Variants in PRKD2 observed in about 807,000 individuals in gnomAD.
The protein encoded by PRKD2 is protein kinase D2.
A neutral mutation model predicts 86.0 loss-of-function variants in PRKD2; 22 were observed. That is an observed-to-expected ratio of 0.26 (90% confidence interval 0.18 to 0.37). The LOEUF is 0.37. Ranked by LOEUF, PRKD2 falls within the 10% of genes least tolerant of loss-of-function variation. The probability of loss-of-function intolerance (pLI) is 1.00; values close to 1 mark genes in which losing one functional copy is unlikely to be tolerated. For synonymous variants in PRKD2, 509 were observed against 510.9 expected (o/e 1.00, Z 0.05); for missense variants, 818 against 1,199.2 (o/e 0.68, Z 4.70).
chr19:46,694,826 C>T (rs1449248723), intron 9 of PRKD2, among the ~76,000 whole-genome samples: 1 of 151,998 alleles, frequency 6.6e-6, no homozygotes, highest in Admixed American at 6.6e-5. Flanking sequence ...CCTGTACTCC[C>T]AGCACTTTGG....
intron 14 of PRKD2, among the ~76,000 whole-genome samples, chr19:46,688,006 G>A (rs1430214019): frequency 6.6e-6 from 1 of 151,998 alleles, no homozygotes; most frequent in African/African-American, 2.4e-5. Context: ...AAGCAGCTAG[G>A]ACTACAGACA....
At chr19:46,674,830 G>A (rs1297165859) in intron 17 of PRKD2, 95 bp from the exon 18 acceptor site, 1 of 1,382,208 alleles carries the variant, frequency 7.2e-7, no homozygotes, top group Non-Finnish European at 9.8e-7. Context: ...TACCAATGAA[G>A]GTGAAGCCAT....
chr19:46,699,062 C>G (rs2053601941), intron 7 of PRKD2, among the ~76,000 whole-genome samples: 1 of 152,120 alleles, frequency 6.6e-6, no homozygotes, highest in Admixed American at 6.6e-5. Flanking sequence ...GACTGGCTTA[C>G]CCATCCCCTT....
At chr19:46,675,507 G>C (rs918096421) in intron 16 of PRKD2, among the ~76,000 whole-genome samples, 5 of 152,032 alleles carry the variant, frequency 3.3e-5, no homozygotes, top group African/African-American at 4.8e-5. Context: ...GCAATGGCAC[G>C]ATCTTGGCTC....
chr19:46,691,921 C>T lies in PRKD2; in HGVS notation c.1629+12G>A, dbSNP rs2053489894. ...GGGAGGGGAGGGCATCAGGTGGGGG[C>T]AGGAGTCTCACCACATTCTCTTGGA... On this transcript the variant is annotated intron_variant, in intron 11 of 17. Transcript: ENST00000291281. The T allele has an allele frequency of 6.2e-7, 1 of 1,613,448 alleles. No individual in the cohort carries two copies. The highest frequency in any genetic ancestry group is 1.7e-5 in the Admixed American group (1 of 59,978).
intron 14 of PRKD2, among the ~76,000 whole-genome samples, chr19:46,685,218 T>A (rs1397748768): frequency 7.1e-6 from 1 of 139,926 alleles, no homozygotes; most frequent in African/African-American, 2.7e-5. Flanking sequence ...GAGACTGTAC[T>A]ATTGCACTCC....
At chr19:46,682,194 G>T (rs1025568595) in intron 14 of PRKD2, among the ~76,000 whole-genome samples, 3 of 152,088 alleles carry the variant, frequency 2.0e-5, no homozygotes, top group Non-Finnish European at 4.4e-5. Flanking sequence ...TTTTAGTAGA[G>T]ATGGGGTTTC....
chr19:46,704,189 C>T lies in PRKD2; in HGVS notation c.869G>A (p.Arg290Gln), dbSNP rs1346579465. 1.9e-6 allele frequency: 3 copies of T among 1,613,920 alleles called. No individual in the cohort carries two copies. The highest frequency in any genetic ancestry group is 1.3e-5 in the African/African-American group (1 of 74,910). ...CTAACCTTTGCATTGCAGGCCCTGC[C>T]GGAAGAGGCCCTTGAGGAGTTTCTT... ...ACKKLLKGLF[R>Q]QGLQCKDCKF... Residue 290 changes from arginine (R) to glutamine (Q), a missense_variant, in exon 5 of 18, where the codon CGG (arginine) becomes CAG (glutamine). Physicochemically the swap from Arg to Gln is conservative, Grantham distance 43 (BLOSUM62 1). Coordinates refer to ENST00000291281, the MANE Select transcript of PRKD2 (RefSeq NM_016457.5).
At chr19:46,711,764 A>C (rs117806894) in intron 2 of PRKD2, among the ~76,000 whole-genome samples, 6,820 of 152,172 alleles carry the variant, frequency 0.045, 197 homozygotes, top group East Asian at 0.16. Flanking sequence ...ACCACCACCA[A>C]CAACAAAAAA....
At position 46,691,923 on chromosome 19, in the gene PRKD2, G is replaced by A. The variant is rs1390981260; in HGVS notation, c.1629+10C>T. The A allele has an allele frequency of 2.5e-6, 4 of 1,613,536 alleles. No individual in the cohort carries two copies. The African/African-American group carries it at 5.3e-5, about 22-fold the overall frequency. On this transcript the variant is annotated intron_variant, in intron 11 of 17. Coordinates refer to ENST00000291281, the MANE Select transcript of PRKD2 (RefSeq NM_016457.5). ...GAGGGGAGGGCATCAGGTGGGGGCA[G>A]GAGTCTCACCACATTCTCTTGGATC...
chr19:46,695,014 C>T (rs184692134), intron 9 of PRKD2, among the ~76,000 whole-genome samples: 2 of 151,126 alleles, frequency 1.3e-5, no homozygotes, highest in African/African-American at 4.9e-5. Context: ...CCAGCCAGAG[C>T]AACACAATGA....
rs2053844829 is a variant in PRKD2 at position 46,713,879 on chromosome 19, C to A, written c.363G>T (p.Val121=). Residue 121 remains valine (V), a synonymous_variant, in exon 2 of 18, where the codon GTG becomes GTT. Transcript: ENST00000291281. ...ACCTCTCACCCGACAGCACCACCTC[C>A]ACCAGGTCGCCCTCCTGGATGTCTC... ...SSGDIQEGDL[V]EVVLSASATF... The A allele has an allele frequency of 1.2e-6, 2 of 1,609,526 alleles. No individual in the cohort carries two copies. Among genetic ancestry groups the A allele is most frequent in the African/African-American group, 2.7e-5 (2 of 74,826 alleles).
chr19:46,676,129 G>A (rs2053197674), intron 16 of PRKD2, among the ~76,000 whole-genome samples: 1 of 152,038 alleles, frequency 6.6e-6, no homozygotes, highest in Non-Finnish European at 1.5e-5. Context: ...TGCAAATCAG[G>A]GAGCATCTAT....
intron 3 of PRKD2, among the ~76,000 whole-genome samples, chr19:46,705,316 T>C (rs1294778187): frequency 1.3e-5 from 2 of 152,130 alleles, no homozygotes; most frequent in East Asian, 3.9e-4. Context: ...ACCTTCCTTT[T>C]TCTGAGGCCC....
rs1167303043 is a variant in PRKD2 at position 46,700,943 on chromosome 19, A to G, written c.977T>C (p.Met326Thr). ...CTCGCTGAAATCGGTGGCCTCCTCC[A>G]TCGGCACATCTGTGGGGACGGAGGC... ...GEALINGDVP[M>T]EEATDFSEAD... The change falls in exon 7 of 18, where the codon ATG becomes ACG. Residue 326 changes from methionine (M) to threonine (T), a missense_variant. Physicochemically the swap from Met to Thr is moderately conservative, Grantham distance 81. Transcript: ENST00000291281. 2 of 1,614,182 alleles carry G rather than the reference A, an allele frequency of 1.2e-6. No homozygotes were observed. Among genetic ancestry groups the G allele is most frequent in the South Asian group, 1.1e-5 (1 of 91,082 alleles).
chr19:46,691,264 G>A (rs984502293), intron 12 of PRKD2, among the ~76,000 whole-genome samples: 1 of 151,846 alleles, frequency 6.6e-6, no homozygotes, highest in Non-Finnish European at 1.5e-5. Context: ...CTAGACCTGT[G>A]GCCAATCAGA....
Position 46,693,774 on chromosome 19 carries a change from CCCA to C in PRKD2, c.1576+98_1576+100del. On this transcript the variant is annotated intron_variant, in intron 10 of 17. Coordinates refer to ENST00000291281, the MANE Select transcript of PRKD2 (RefSeq NM_016457.5). This position sits in a 1 kb window ranked among gnomAD's most constrained non-coding sequence, Gnocchi z 4.5. ...TGAGTCCAGAAGCTGCGTTCTCAAC[CCCA>C]CCATTGCCCACTTTCCTCTTTGGCC... is the stretch of plus-strand genomic sequence containing the variant. The C allele has an allele frequency of 1.4e-6, 2 of 1,470,206 alleles. No homozygotes were observed. The highest frequency in any genetic ancestry group is 1.8e-6 in the Non-Finnish European group (2 of 1,102,884). The allele number at this position is 1,470,206 out of a possible 1,614,324, so 91.1% of individuals were successfully genotyped here.
chr19:46,716,600 A>T lies in PRKD2; in HGVS notation c.-230T>A, dbSNP rs1233057712. 8 of 397,182 alleles carry T rather than the reference A, an allele frequency of 2.0e-5. No homozygotes were observed. Among genetic ancestry groups the T allele is most frequent in the Non-Finnish European group, 3.6e-5 (8 of 224,152 alleles). The allele number at this position is 397,182 out of a possible 1,614,324, so 24.6% of individuals were successfully genotyped here. A position where few individuals can be genotyped will look rare whatever the true frequency, so the allele number is the denominator to read the frequency against. On this transcript the variant is annotated 5_prime_UTR_variant, in exon 1 of 18. Transcript: ENST00000291281. This position sits in a 1 kb window ranked among gnomAD's most constrained non-coding sequence, Gnocchi z 7.9. ...CGGAATCCAGGGCTCCCAGAAGATC[A>T]GAAAGGAGAAAAGTAGTGGGTTGGA...
rs2053162528 is a variant in PRKD2, at chr19:46,674,363, T to C, written c.*160A>G. 1 of 731,188 alleles carries C rather than the reference T, an allele frequency of 1.4e-6. No individual in the cohort carries two copies. The highest frequency in any genetic ancestry group is 2.2e-6 in the Non-Finnish European group (1 of 457,642). 45.3% of individuals were successfully genotyped at this position (731,188 alleles called of 1,614,324 possible). On this transcript the variant is annotated 3_prime_UTR_variant, in exon 18 of 18. Coordinates refer to ENST00000291281, the MANE Select transcript of PRKD2 (RefSeq NM_016457.5). ...CCAGAGATGAGTCCGTTTTAATTGC[T>C]GGGGAAACAGGGAGGGGCCTTGGAA...
Sources: allele counts gnomAD v4.1 joint callset (sites outside exome capture counted in the v4.1 genomes callset), GRCh38; gene constraint gnomAD v4.1.1; non-coding constraint Gnocchi (gnomAD v3.1); transcripts MANE v1.5; gene names NCBI Gene and HGNC (gene_info 2026-07-23, HGNC 2026-07-21).